Variants in ATP8B4 observed in about 807,000 individuals in gnomAD.
ATP8B4 encodes the protein probable phospholipid-transporting ATPase IM.
Under a neutral mutation model 145.6 loss-of-function variants are expected in ATP8B4, and 133 were observed. The ratio of observed to expected loss-of-function variants is 0.91; its 90% CI spans 0.79 to 1.05. The LOEUF is 1.05. Ranked by LOEUF, ATP8B4 falls within the 50% of genes least tolerant of loss-of-function variation. The pLI, the probability that ATP8B4 is intolerant of heterozygous loss-of-function variation, is 0.00. For missense variants in ATP8B4, 1,458 were observed against 1,425.2 expected (o/e 1.02, Z -0.37); for synonymous variants, 507 against 492.9 (o/e 1.03, Z -0.38).
At chr15:49,921,680 G>A (rs2040274034) in intron 17 of ATP8B4, among the ~76,000 whole-genome samples, 2 of 152,162 alleles carry the variant, frequency 1.3e-5, no homozygotes, top group Admixed American at 6.5e-5. Context: ...TTATAATCAG[G>A]CGTAGGTTAA....
At chr15:50,068,715 A>T (rs1238838936) in intron 3 of ATP8B4, among the ~76,000 whole-genome samples, 1 of 152,172 alleles carries the variant, frequency 6.6e-6, no homozygotes, top group Non-Finnish European at 1.5e-5. Flanking sequence ...AAATAAGTTA[A>T]TCTCCCTTCT....
intron 2 of ATP8B4, among the ~76,000 whole-genome samples, chr15:50,077,978 C>T (rs778240455): frequency 6.6e-6 from 1 of 152,014 alleles, no homozygotes; most frequent in Admixed American, 6.6e-5. Flanking sequence ...AAGACCCTGG[C>T]GATGGCACTA....
intron 1 of ATP8B4, among the ~76,000 whole-genome samples, chr15:50,136,734 T>C (rs1595635682): frequency 1.3e-5 from 2 of 152,188 alleles, no homozygotes; most frequent in Admixed American, 6.5e-5. Flanking sequence ...CGTGGGGCTC[T>C]GGAGTCAGAC....
chr15:50,078,760 GA>G (rs1454286960), intron 2 of ATP8B4, among the ~76,000 whole-genome samples: 1 of 149,064 alleles, frequency 6.7e-6, no homozygotes, highest in East Asian at 1.9e-4. Context: ...ACTTCCAAAA[GA>G]AAAAAAAATG....
At chr15:49,949,820 T>C (rs2042908366) in intron 14 of ATP8B4, among the ~76,000 whole-genome samples, 1 of 152,130 alleles carries the variant, frequency 6.6e-6, no homozygotes, top group Non-Finnish European at 1.5e-5. Flanking sequence ...AGCTATTATT[T>C]TGAGATATGT....
rs149370431 is a variant in ATP8B4 at position 49,959,640 on chromosome 15, T to C, written c.1287+2337A>G. Among the ~76,000 whole-genome samples the C allele has an allele frequency of 2.8e-3, 428 of 152,184 alleles. 1 individual carries two copies. The highest frequency in any genetic ancestry group is 0.017 in the Middle Eastern group (5 of 294). On this transcript the variant is annotated intron_variant, in intron 14 of 27. Transcript: ENST00000284509. Reference sequence around the variant, plus strand: ...AGACAGTGTTATACAAAATTAACAATCAAATTTATTGCTTTCATATTAAGA... The same window carrying C: ...AGACAGTGTTATACAAAATTAACAACCAAATTTATTGCTTTCATATTAAGA...
At chr15:49,929,177 C>T (rs147341907) in intron 16 of ATP8B4, among the ~76,000 whole-genome samples, 1 of 152,182 alleles carries the variant, frequency 6.6e-6, no homozygotes, top group East Asian at 1.9e-4. Context: ...CTTAAAAGAC[C>T]AGATTTTGGA....
At chr15:50,156,107 A>ATATAAAT (rs1567410582) in intron 1 of ATP8B4, among the ~76,000 whole-genome samples, 3 of 27,114 alleles carry the variant, frequency 1.1e-4, no homozygotes, top group Admixed American at 3.8e-4. Context: ...TATATATATA[A>ATATAAAT]ATATATATAT....
At chr15:50,047,538 A>C (rs2051818368) in intron 3 of ATP8B4, 74 bp from the exon 4 acceptor site, 1 of 917,240 alleles carries the variant, frequency 1.1e-6, no homozygotes, top group Admixed American at 1.9e-5. Context: ...TAAAACCTAC[A>C]AGCCTGAGCC....
At chr15:50,039,042 AAAC>A (rs544139359) in intron 5 of ATP8B4, among the ~76,000 whole-genome samples, 231 of 152,348 alleles carry the variant, frequency 1.5e-3, no homozygotes, top group Non-Finnish European at 2.5e-3. Flanking sequence ...GTCACCAATG[AAAC>A]AACAAGGCTA....
In ATP8B4 at chr15:49,897,156, T is replaced by C. The variant is rs1426793118; in HGVS notation, c.2697+136A>G. On this transcript the variant is annotated intron_variant, in intron 23 of 27. Transcript: ENST00000284509. Reference sequence around the variant, plus strand: ...CTCAAGTCAACTATCAATTACATAATTGTAATACTATTACTTGAATCAGCC... The same window carrying C: ...CTCAAGTCAACTATCAATTACATAACTGTAATACTATTACTTGAATCAGCC... 9.0e-6 allele frequency: 7 copies of C among 781,344 alleles called. No homozygotes were observed. In the Admixed American group the frequency reaches 1.1e-4, roughly 13 times the overall value. 48.4% of individuals were successfully genotyped at this position (781,344 alleles called of 1,614,324 possible).
At position 49,934,202 on chromosome 15, in the gene ATP8B4, A is replaced by G; in HGVS notation, c.1288-20T>C. 1.9e-6 allele frequency: 3 copies of G among 1,583,778 alleles called. No individual in the cohort carries two copies. The highest frequency in any genetic ancestry group is 2.6e-6 in the Non-Finnish European group (3 of 1,169,358). ...TTTTTCCTGTAGGAGAACAACAACA[A>G]CAAAAATAACCAAAACCTCATTCCA... On this transcript the variant is annotated intron_variant, in intron 14 of 27. Coordinates refer to ENST00000284509, the MANE Select transcript of ATP8B4 (RefSeq NM_024837.4).
chr15:49,998,514 G>GT lies in ATP8B4; in HGVS notation c.507-1756dup, dbSNP rs968102068. On this transcript the variant is annotated intron_variant, in intron 8 of 27. Coordinates refer to ENST00000284509, the MANE Select transcript of ATP8B4 (RefSeq NM_024837.4). ...AGTGATGGTGAGCATTTTTTCACGTGTTTTTTGGCTGCATAAATGTCTTCT... is the reference window on the plus strand; with the variant it reads ...AGTGATGGTGAGCATTTTTTCACGTGTTTTTTTGGCTGCATAAATGTCTTCT... Among the ~76,000 whole-genome samples, 40 of 152,242 alleles carry GT rather than the reference G, an allele frequency of 2.6e-4. 1 individual carries two copies. Among genetic ancestry groups the GT allele is most frequent in the African/African-American group, 9.1e-4 (38 of 41,564 alleles).
At chr15:50,018,260 T>G (rs2049255130) in intron 6 of ATP8B4, among the ~76,000 whole-genome samples, 3 of 152,212 alleles carry the variant, frequency 2.0e-5, no homozygotes, top group Admixed American at 1.3e-4. Flanking sequence ...AGTGCTGGAA[T>G]TACAGGCATG....
chr15:49,972,690 G>C lies in ATP8B4; in HGVS notation c.1135C>G (p.Leu379Val). 1 of 1,613,942 alleles carries C rather than the reference G, an allele frequency of 6.2e-7. No individual in the cohort carries two copies. Among genetic ancestry groups the C allele is most frequent in the Non-Finnish European group, 8.5e-7 (1 of 1,179,978 alleles). ...TCAATCTGCCCCAGTTCCTCATTGA[G>C]CGTGGTCGTTCGAGCCACTGCAGGT... Reference protein sequence around the residue: ...AIPAVARTTTLNEELGQIEYI... With the variant: ...AIPAVARTTTVNEELGQIEYI... The change falls in exon 13 of 28, where the codon CTC (leucine) becomes GTC (valine). Residue 379 changes from leucine (L) to valine (V), a missense_variant. Coordinates refer to ENST00000284509, the MANE Select transcript of ATP8B4 (RefSeq NM_024837.4).
intron 21 of ATP8B4, among the ~76,000 whole-genome samples, chr15:49,900,023 G>T (rs2153431280): frequency 6.6e-6 from 1 of 152,318 alleles, no homozygotes; most frequent in East Asian, 1.9e-4. Context: ...TAACTCATAA[G>T]ATTCCCTTTC....
chr15:49,901,592 C>T (rs566612882), intron 20 of ATP8B4, among the ~76,000 whole-genome samples: 19 of 152,286 alleles, frequency 1.2e-4, no homozygotes, highest in African/African-American at 4.3e-4. Context: ...CACTATCTGG[C>T]AGGCATGCTG....
intron 15 of ATP8B4, among the ~76,000 whole-genome samples, chr15:49,932,527 C>A (rs1201581210): frequency 6.6e-6 from 1 of 152,026 alleles, no homozygotes; most frequent in Non-Finnish European, 1.5e-5. Flanking sequence ...GTGTCAGGAC[C>A]AATCTCAACT....
intron 1 of ATP8B4, among the ~76,000 whole-genome samples, chr15:50,176,850 A>G (rs975646005): frequency 7.2e-5 from 11 of 152,228 alleles, no homozygotes; most frequent in African/African-American, 2.2e-4. Flanking sequence ...TGGGATGCCA[A>G]TGCAAGGGTT....
Sources: gnomAD v4.1 joint callset for allele counts (sites outside exome capture counted in the v4.1 genomes callset) on GRCh38, gnomAD v4.1.1 for gene constraint, MANE v1.5 for transcripts, NCBI Gene and HGNC (gene_info 2026-07-23, HGNC 2026-07-21) for gene names.